Variants in ANKRD18A observed in about 807,000 individuals in gnomAD.
ANKRD18A encodes ankyrin repeat domain 18A.
In ANKRD18A, 72 loss-of-function variants were observed where a neutral mutation model predicts 110.6. That is an observed-to-expected ratio of 0.65 (90% CI 0.54 to 0.79). The LOEUF (loss-of-function observed/expected upper bound fraction) is 0.79, where lower values mean the gene tolerates loss of function less well. ANKRD18A is among the 30% of genes least tolerant of loss of function. ANKRD18A has a pLI of 0.00. For missense variants in ANKRD18A, 934 were observed against 1,163.3 expected, an observed-to-expected ratio of 0.80 and a Z score of 2.87; for synonymous variants, 305 against 410.3, an observed-to-expected ratio of 0.74 and a Z score of 3.10.
intron 14 of ANKRD18A, among the ~76,000 whole-genome samples, chr9:38,576,043 AT>A (rs1823881045): frequency 6.6e-6 from 1 of 152,242 alleles, no homozygotes; most frequent in Non-Finnish European, 1.5e-5. Flanking sequence ...ATATACTTGT[AT>A]TTAAAGGGTA....
chr9:38,602,464 C>T lies in ANKRD18A; in HGVS notation c.862+695G>A, dbSNP rs185094355. Among the ~76,000 whole-genome samples, 14 of 152,228 alleles carry T rather than the reference C, an allele frequency of 9.2e-5. No individual in the cohort carries two copies. The Middle Eastern group carries it at 0.01, about 111-fold the overall frequency. On this transcript the variant is annotated intron_variant, in intron 7 of 15. Coordinates refer to ENST00000399703, the MANE Select transcript of ANKRD18A (RefSeq NM_147195.4). ...TACATGAGAAGGATGGTGACAGGGG[C>T]ATCACCAGCAGCTCAGAAATGCCAG...
intron 14 of ANKRD18A, among the ~76,000 whole-genome samples, chr9:38,576,427 C>A (rs1016983203): frequency 9.9e-5 from 15 of 152,224 alleles, no homozygotes; most frequent in African/African-American, 2.7e-4. Flanking sequence ...TTCCACACAG[C>A]CCTTCAGGCT....
chr9:38,618,565 T>G (rs1686602409), intron 1 of ANKRD18A, among the ~76,000 whole-genome samples: 1 of 152,188 alleles, frequency 6.6e-6, no homozygotes, highest in Non-Finnish European at 1.5e-5. Flanking sequence ...GGCATATACA[T>G]TTTTAAAATG....
intron 12 of ANKRD18A, among the ~76,000 whole-genome samples, chr9:38,579,252 G>A (rs894087690): frequency 1.1e-4 from 17 of 152,124 alleles, no homozygotes; most frequent in Non-Finnish European, 2.4e-4. Context: ...AGTAAACATA[G>A]GGAAAATGCT....
At chr9:38,608,788 A>G (rs1361333524) in intron 5 of ANKRD18A, among the ~76,000 whole-genome samples, 1 of 150,610 alleles carries the variant, frequency 6.6e-6, no homozygotes, top group African/African-American at 2.4e-5. Context: ...TTTCATTATT[A>G]TGGAAACACA....
rs183356821 is a variant in ANKRD18A, at chr9:38,575,142, A to G, written c.2964+334T>C. Among the ~76,000 whole-genome samples, 1,118 of 152,202 alleles carry G rather than the reference A, an allele frequency of 7.3e-3. 14 individuals are homozygous for G. The highest frequency in any genetic ancestry group is 0.025 in the African/African-American group (1,045 of 41,526). ...AACCACAGACAAACTACAATCAAGT[A>G]GAGTAAGACAAAGCATTTCAAAGTA... On this transcript the variant is annotated intron_variant, in intron 15 of 15. Coordinates refer to ENST00000399703, the MANE Select transcript of ANKRD18A (RefSeq NM_147195.4).
At chr9:38,594,971 A>G (rs564382946) in intron 9 of ANKRD18A, among the ~76,000 whole-genome samples, 1 of 152,268 alleles carries the variant, frequency 6.6e-6, no homozygotes, top group East Asian at 1.9e-4. Context: ...CTAACATTTC[A>G]TAGGTGACAT....
intron 8 of ANKRD18A, among the ~76,000 whole-genome samples, chr9:38,598,764 C>T (rs1824996154): frequency 1.3e-5 from 2 of 152,304 alleles, no homozygotes; most frequent in African/African-American, 2.4e-5. Context: ...ACCTTCTAAG[C>T]TTTAGAAGAG....
Position 38,613,249 on chromosome 9 carries a change from G to A in ANKRD18A, c.496-1928C>T, listed in dbSNP as rs1255158283. ...CAGACCAAGCAGTGATGTGGTTCTG[G>A]GGACACCAGATTTGTTTCTTAAGCC... is the stretch of plus-strand genomic sequence containing the variant. On this transcript the variant is annotated intron_variant, in intron 3 of 15. Coordinates refer to ENST00000399703, the MANE Select transcript of ANKRD18A (RefSeq NM_147195.4). Among the ~76,000 whole-genome samples the A allele has an allele frequency of 2.0e-5, 3 of 151,014 alleles. No homozygotes were observed. The East Asian group carries it at 5.9e-4, about 30-fold the overall frequency.
At chr9:38,593,487 C>T (rs955872614) in intron 10 of ANKRD18A, among the ~76,000 whole-genome samples, 27 of 152,206 alleles carry the variant, frequency 1.8e-4, no homozygotes, top group East Asian at 5.8e-4. Flanking sequence ...TACTGTTTAA[C>T]GGGAAAAAAG....
rs1554674924 is a variant in ANKRD18A at position 38,586,561 on chromosome 9, T to TTTG, written c.2118-250_2118-249insCAA. On this transcript the variant is annotated intron_variant, in intron 11 of 15. Transcript: ENST00000399703. ...ATAGCCATACAGTTTTTGGTTTTTT[T>TTTG]TTTGTTTGTTTTTGTTTTTTGAGAT... Among the ~76,000 whole-genome samples, 20 of 152,196 alleles carry TTTG rather than the reference T, an allele frequency of 1.3e-4. No individual in the cohort carries two copies. The South Asian group carries it at 2.3e-3, about 17-fold the overall frequency.
intron 12 of ANKRD18A, among the ~76,000 whole-genome samples, chr9:38,583,918 C>T (rs2993201): frequency 0.35 from 53,173 of 152,082 alleles, 10,103 homozygotes; most frequent in African/African-American, 0.49. Context: ...CCAGATAAAA[C>T]GTCCGGTGCA....
At chr9:38,569,347 C>T (rs1329447935), downstream of ANKRD18A, 11 of 985,024 alleles carry the variant, frequency 1.1e-5, no homozygotes, top group East Asian at 1.1e-4. Flanking sequence ...ACCACCCACC[C>T]GATAGCGACT....
chr9:38,611,343 T>G, intron 3 of ANKRD18A, 22 bp from the exon 4 acceptor site: 1 of 1,507,490 alleles, frequency 6.6e-7, no homozygotes, highest in Middle Eastern at 1.7e-4. Flanking sequence ...CAAAAACAAT[T>G]TATAATTCAC....
intron 10 of ANKRD18A, among the ~76,000 whole-genome samples, chr9:38,590,339 C>T (rs1474784570): frequency 3.9e-5 from 6 of 151,924 alleles, no homozygotes; most frequent in Non-Finnish European, 8.8e-5. Context: ...CTCACTGCAA[C>T]TTCCACCTCC....
chr9:38,579,427 A>G (rs1824053378), intron 12 of ANKRD18A, among the ~76,000 whole-genome samples: 1 of 152,206 alleles, frequency 6.6e-6, no homozygotes, highest in African/African-American at 2.4e-5. Context: ...TACACAAGAC[A>G]AATATCCAAA....
chr9:38,573,322 A>T (rs1278408688), intron 15 of ANKRD18A, among the ~76,000 whole-genome samples: 4 of 152,200 alleles, frequency 2.6e-5, no homozygotes, highest in Non-Finnish European at 5.9e-5. Flanking sequence ...ATAATAGAGG[A>T]TGTATCTGTG....
At chr9:38,616,995 T>C (rs992728031) in intron 1 of ANKRD18A, among the ~76,000 whole-genome samples, 21 of 152,198 alleles carry the variant, frequency 1.4e-4, no homozygotes, top group Non-Finnish European at 4.4e-5. Context: ...GGTCTTACAT[T>C]AAGTAGAATA....
downstream of ANKRD18A, chr9:38,568,213 A>G (rs1319306671): frequency 6.6e-6 from 1 of 152,316 alleles, no homozygotes; most frequent in Non-Finnish European, 1.5e-5. Flanking sequence ...TTGGCACCCA[A>G]GAAGCCCACA....
Sources: gnomAD v4.1 joint callset for allele counts (sites outside exome capture counted in the v4.1 genomes callset) on GRCh38, gnomAD v4.1.1 for gene constraint, MANE v1.5 for transcripts, NCBI Gene and HGNC (gene_info 2026-07-23, HGNC 2026-07-21) for gene names.